The following LRRC4C variants were observed in gnomAD, a reference collection of about 807,000 sequenced individuals.
LRRC4C encodes the protein leucine-rich repeat-containing protein 4C.
Under a neutral mutation model 33.6 loss-of-function variants are expected in LRRC4C, and 5 were observed. The ratio of observed to expected loss-of-function variants is 0.15; its 90% CI spans 0.08 to 0.31. The LOEUF (loss-of-function observed/expected upper bound fraction) is 0.31. LRRC4C is among the 10% of genes least tolerant of loss of function. The pLI is 1.00. For synonymous variants in LRRC4C, 329 were observed against 302.0 expected (o/e 1.09, Z -0.93); for missense variants, 560 against 796.7 (o/e 0.70, Z 3.58).
chr11:40,144,779 G>T (rs1239860925), intron 5 of LRRC4C, among the ~76,000 whole-genome samples: 1 of 152,182 alleles, frequency 6.6e-6, no homozygotes, highest in Admixed American at 6.5e-5. Context: ...GTTAATAGAA[G>T]AAATCAAATA....
At chr11:41,062,499 C>G (rs1230419247) in intron 1 of LRRC4C, among the ~76,000 whole-genome samples, 1 of 152,110 alleles carries the variant, frequency 6.6e-6, no homozygotes, top group Non-Finnish European at 1.5e-5. Flanking sequence ...GCTTGACCAA[C>G]AAATTTTTTT....
intron 3 of LRRC4C, among the ~76,000 whole-genome samples, chr11:40,601,337 T>C (rs140300609): frequency 1.3e-5 from 2 of 152,228 alleles, no homozygotes; most frequent in African/African-American, 4.8e-5. Context: ...ATCTCCTTCT[T>C]CATGGCCATG....
chr11:40,452,564 C>T (rs1186821234), intron 3 of LRRC4C, among the ~76,000 whole-genome samples: 5 of 152,090 alleles, frequency 3.3e-5, no homozygotes, highest in Non-Finnish European at 7.4e-5. Context: ...GAAATAGGAA[C>T]ACTTTTACAC....
intron 1 of LRRC4C, among the ~76,000 whole-genome samples, chr11:41,192,745 A>ACT (rs1946014897): frequency 6.6e-6 from 1 of 152,112 alleles, no homozygotes; most frequent in African/African-American, 2.4e-5. Flanking sequence ...TTACAGGACA[A>ACT]CTTAAATCCA....
chr11:41,047,835 T>G (rs527547054), intron 1 of LRRC4C, among the ~76,000 whole-genome samples: 1 of 152,258 alleles, frequency 6.6e-6, no homozygotes, highest in South Asian at 2.1e-4. Context: ...CTTGTATACT[T>G]TCTCATGGTG....
chr11:41,008,148 C>T (rs1042744085), intron 1 of LRRC4C, among the ~76,000 whole-genome samples: 1 of 152,124 alleles, frequency 6.6e-6, no homozygotes, highest in African/African-American at 2.4e-5. Context: ...TTCCAAGCCA[C>T]CAGCCTCTTC....
At chr11:40,306,306 A>G (rs1411907918) in intron 4 of LRRC4C, among the ~76,000 whole-genome samples, 2 of 152,148 alleles carry the variant, frequency 1.3e-5, no homozygotes, top group Non-Finnish European at 2.9e-5. Flanking sequence ...CCTTGAACTA[A>G]TTGCTTTCCC....
At chr11:40,937,849 G>T (rs1957974735) in intron 1 of LRRC4C, among the ~76,000 whole-genome samples, 1 of 151,802 alleles carries the variant, frequency 6.6e-6, no homozygotes, top group South Asian at 2.1e-4. Flanking sequence ...GTAGAGACAG[G>T]GTCTCCCATG....
At chr11:40,638,742 A>C (rs1312252899) in intron 3 of LRRC4C, among the ~76,000 whole-genome samples, 1 of 151,146 alleles carries the variant, frequency 6.6e-6, no homozygotes, top group Non-Finnish European at 1.5e-5. Flanking sequence ...TAGAAGGTCC[A>C]TAATGAATGG....
intron 2 of LRRC4C, among the ~76,000 whole-genome samples, chr11:40,761,979 G>A (rs1949237580): frequency 6.6e-6 from 1 of 152,072 alleles, no homozygotes; most frequent in African/African-American, 2.4e-5. Context: ...TTTTCTGTAG[G>A]TTACCAATAA....
chr11:40,316,247 T>C (rs1199114136), intron 4 of LRRC4C, among the ~76,000 whole-genome samples: 1 of 151,992 alleles, frequency 6.6e-6, no homozygotes, highest in Admixed American at 6.5e-5. Context: ...TATAGATATG[T>C]TTTCAGAAAT....
intron 1 of LRRC4C, among the ~76,000 whole-genome samples, chr11:41,208,668 T>C (rs1224103799): frequency 6.6e-6 from 1 of 152,252 alleles, no homozygotes; most frequent in African/African-American, 2.4e-5. Context: ...CAGGGCTACC[T>C]GATTGGGAAC....
intron 4 of LRRC4C, among the ~76,000 whole-genome samples, chr11:40,290,213 G>T (rs1424249500): frequency 1.3e-5 from 2 of 152,104 alleles, no homozygotes. Flanking sequence ...AGCTGAGCAG[G>T]AACTTAATAT....
At chr11:40,824,917 A>G (rs1225568273) in intron 2 of LRRC4C, among the ~76,000 whole-genome samples, 8 of 151,954 alleles carry the variant, frequency 5.3e-5, no homozygotes, top group African/African-American at 1.9e-4. Flanking sequence ...CACTTCTGCC[A>G]CACTGCCACA....
chr11:40,303,510 G>A (rs1944882610), intron 4 of LRRC4C, among the ~76,000 whole-genome samples: 1 of 152,122 alleles, frequency 6.6e-6, no homozygotes, highest in Admixed American at 6.5e-5. Context: ...TATTAGATTA[G>A]CAGTTCCTAA....
At chr11:40,352,428 G>A (rs1445500288) in intron 3 of LRRC4C, among the ~76,000 whole-genome samples, 2 of 151,420 alleles carry the variant, frequency 1.3e-5, no homozygotes, top group East Asian at 3.9e-4. Context: ...TTAAACTTTT[G>A]GTTGTTCCTA....
chr11:40,198,002 T>C (rs1367667528), intron 5 of LRRC4C, among the ~76,000 whole-genome samples: 1 of 152,058 alleles, frequency 6.6e-6, no homozygotes, highest in Non-Finnish European at 1.5e-5. Context: ...AATGAGAAAA[T>C]TATCAGCCTT....
intron 2 of LRRC4C, among the ~76,000 whole-genome samples, chr11:40,669,615 T>G (rs778067747): frequency 2.0e-5 from 3 of 152,194 alleles, no homozygotes; most frequent in Admixed American, 1.3e-4. Context: ...CTTGTGTGCT[T>G]TCTACTAAAC....
At chr11:40,542,905 A>T (rs1956780741) in intron 3 of LRRC4C, among the ~76,000 whole-genome samples, 1 of 152,114 alleles carries the variant, frequency 6.6e-6, no homozygotes, top group Non-Finnish European at 1.5e-5. Context: ...TAAGGCATAC[A>T]TTTAAACTGA....
Sources: allele counts gnomAD v4.1 joint callset (sites outside exome capture counted in the v4.1 genomes callset), GRCh38; gene constraint gnomAD v4.1.1; transcripts MANE v1.5; gene names NCBI Gene and HGNC (gene_info 2026-07-23, HGNC 2026-07-21).